Variants in MAP2K5 observed in about 807,000 individuals in gnomAD.
MAP2K5 encodes dual specificity mitogen-activated protein kinase kinase 5.
A neutral mutation model predicts 83.1 loss-of-function variants in MAP2K5; 49 were observed. The observed-to-expected ratio is 0.59, with a 90% CI of 0.47 to 0.75. The LOEUF (loss-of-function observed/expected upper bound fraction) is 0.75, where lower values mean the gene tolerates loss of function less well. Among genes scored for constraint, MAP2K5 ranks in the 30% least tolerant of loss-of-function variants. The probability of loss-of-function intolerance (pLI) is 0.00; values close to 1 mark genes in which losing one functional copy is unlikely to be tolerated. For missense variants in MAP2K5, 457 were observed against 557.5 expected (o/e 0.82, Z 1.82); for synonymous variants, 202 against 191.8 (o/e 1.05, Z -0.44).
Position 67,750,654 on chromosome 15 carries a change from G to T in MAP2K5, c.1134+2053G>T, listed in dbSNP as rs1182872870. 1.3e-5 allele frequency among the ~76,000 whole-genome samples: 2 copies of T among 152,162 alleles called. No homozygotes were observed. Among genetic ancestry groups the T allele is most frequent in the East Asian group, 3.8e-4 (2 of 5,202 alleles). ...CTACTAGTTTCTCGGGTAACTCTCT[G>T]CACATTATAAGTTTGAAAACCACTT... On this transcript the variant is annotated intron_variant, in intron 19 of 21. Coordinates refer to ENST00000178640, the MANE Select transcript of MAP2K5 (RefSeq NM_145160.3). This position sits in a 1 kb window ranked among gnomAD's most constrained non-coding sequence, Gnocchi z 4.2.
In MAP2K5 at chr15:67,806,776, AGG is replaced by A. The variant is rs750316492; in HGVS notation, c.*27_*28del. ...GGCTGCCGCAGGGCACTGAAAGCCCAGGACCAGTAACCAAGGAGAACAACCCA... is the reference window on the plus strand; with the variant it reads ...GGCTGCCGCAGGGCACTGAAAGCCCAACCAGTAACCAAGGAGAACAACCCA... On this transcript the variant is annotated 3_prime_UTR_variant, in exon 22 of 22. Transcript: ENST00000178640. 1 of 1,582,296 alleles carries A rather than the reference AGG, an allele frequency of 6.3e-7. No homozygotes were observed. Among genetic ancestry groups the A allele is most frequent in the Non-Finnish European group, 8.6e-7 (1 of 1,169,484 alleles).
intron 19 of MAP2K5, among the ~76,000 whole-genome samples, chr15:67,754,450 A>T (rs770395900): frequency 7.9e-5 from 12 of 152,208 alleles, no homozygotes; most frequent in Non-Finnish European, 1.6e-4. Flanking sequence ...AGGGACATTT[A>T]TTGAGCTCCT....
chr15:67,603,202 C>T (rs963296803), intron 8 of MAP2K5, among the ~76,000 whole-genome samples: 4 of 152,160 alleles, frequency 2.6e-5, no homozygotes, highest in African/African-American at 7.2e-5. Context: ...CTTGTGTAAT[C>T]GAAACTCTGC....
At chr15:67,580,628 A>G (rs2085159301) in intron 3 of MAP2K5, 126 bp from the exon 4 acceptor site, 4 of 667,234 alleles carry the variant, frequency 6.0e-6, no homozygotes, top group South Asian at 3.2e-5. Flanking sequence ...GTAGGGGAAA[A>G]GTATTCTCAA....
intron 8 of MAP2K5, among the ~76,000 whole-genome samples, chr15:67,620,094 A>G (rs1250802768): frequency 6.6e-6 from 1 of 152,172 alleles, no homozygotes; most frequent in African/African-American, 2.4e-5. Flanking sequence ...CTAGTAGGCC[A>G]TGTGCAGCGG....
At chr15:67,733,630 C>G (rs111312609) in intron 17 of MAP2K5, among the ~76,000 whole-genome samples, 16 of 152,296 alleles carry the variant, frequency 1.1e-4, no homozygotes, top group Non-Finnish European at 1.2e-4. Context: ...ATTCTGCCAG[C>G]TTTTGCCACC....
intron 17 of MAP2K5, among the ~76,000 whole-genome samples, chr15:67,733,790 A>G (rs75654503): frequency 0.11 from 16,447 of 152,242 alleles, 980 homozygotes; most frequent in Admixed American, 0.11. Context: ...ATAAGTGAAA[A>G]ATATGCATTC....
chr15:67,701,562 G>A (rs1369477304), intron 15 of MAP2K5, among the ~76,000 whole-genome samples: 3 of 152,216 alleles, frequency 2.0e-5, no homozygotes, highest in African/African-American at 7.2e-5. Context: ...AACAGGATCT[G>A]TGTGAGACAT....
chr15:67,675,246 C>T (rs1336759198), intron 13 of MAP2K5, among the ~76,000 whole-genome samples: 1 of 152,172 alleles, frequency 6.6e-6, no homozygotes, highest in Non-Finnish European at 1.5e-5. Flanking sequence ...GCATTCATAC[C>T]ATGGATTACT....
At chr15:67,621,722 A>G (rs1265349095) in intron 8 of MAP2K5, among the ~76,000 whole-genome samples, 1 of 152,230 alleles carries the variant, frequency 6.6e-6, no homozygotes, top group African/African-American at 2.4e-5. Context: ...ATAGACCTAG[A>G]GCAATCAAAT....
At chr15:67,593,102 T>C (rs1346499451) in intron 7 of MAP2K5, 128 bp downstream of exon 7, 14 of 640,814 alleles carry the variant, frequency 2.2e-5, no homozygotes, top group Non-Finnish European at 3.8e-5. Context: ...TAACATGGCT[T>C]AATTTGATTG....
intron 19 of MAP2K5, among the ~76,000 whole-genome samples, chr15:67,761,045 G>T (rs1463422118): frequency 6.6e-6 from 1 of 151,988 alleles, no homozygotes; most frequent in African/African-American, 2.4e-5. Context: ...CTGGGGTGTT[G>T]CCTCCATTCC....
chr15:67,704,091 G>GT (rs540102900), intron 16 of MAP2K5, among the ~76,000 whole-genome samples: 1 of 151,834 alleles, frequency 6.6e-6, no homozygotes, highest in African/African-American at 2.4e-5. Context: ...TCTATGCTAT[G>GT]TTTTTTTTAA....
Position 67,709,770 on chromosome 15 carries a change from T to C in MAP2K5, c.1044+6362T>C, listed in dbSNP as rs548438931. Among the ~76,000 whole-genome samples the C allele has an allele frequency of 7.9e-5, 12 of 152,320 alleles. No homozygotes were observed. The South Asian group carries it at 2.5e-3, about 32-fold the overall frequency. ...AAACAGTCATATCTGCAAAAGTGAA[T>C]TTTAAGTGGGTCCTTCTTGAGTCAA... is the stretch of plus-strand genomic sequence containing the variant. On this transcript the variant is annotated intron_variant, in intron 16 of 21. Coordinates refer to ENST00000178640, the MANE Select transcript of MAP2K5 (RefSeq NM_145160.3).
intron 19 of MAP2K5, among the ~76,000 whole-genome samples, chr15:67,753,968 G>T (rs140516002): frequency 6.6e-6 from 1 of 152,218 alleles, no homozygotes; most frequent in Non-Finnish European, 1.5e-5. Flanking sequence ...GTTCACATTG[G>T]ACTATAAATA....
At chr15:67,601,213 ACCCTACTC>A (rs1275269050) in intron 8 of MAP2K5, among the ~76,000 whole-genome samples, 2 of 151,804 alleles carry the variant, frequency 1.3e-5, no homozygotes, top group Non-Finnish European at 2.9e-5. Flanking sequence ...TTCTCTCCTC[ACCCTACTC>A]CCCTGAGATA....
intron 3 of MAP2K5, among the ~76,000 whole-genome samples, chr15:67,570,217 T>A (rs1344968050): frequency 6.6e-6 from 1 of 152,252 alleles, no homozygotes; most frequent in South Asian, 2.1e-4. Context: ...TAAAGTCCTT[T>A]ATGGTTTTAA....
Position 67,806,787 on chromosome 15 carries a change from C to G in MAP2K5, c.*37C>G. ...GGCACTGAAAGCCCAGGACCAGTAA[C>G]CAAGGAGAACAACCCACCCGTCGCC... On this transcript the variant is annotated 3_prime_UTR_variant, in exon 22 of 22. Transcript: ENST00000178640. 2 of 1,591,126 alleles carry G rather than the reference C, an allele frequency of 1.3e-6. No individual in the cohort carries two copies. Among genetic ancestry groups the G allele is most frequent in the Non-Finnish European group, 1.7e-6 (2 of 1,174,960 alleles).
chr15:67,657,452 G>A (rs941028405), intron 11 of MAP2K5, among the ~76,000 whole-genome samples: 1 of 151,966 alleles, frequency 6.6e-6, no homozygotes, highest in African/African-American at 2.4e-5. Context: ...AAAGATCAAT[G>A]AGAACATAAA....
Sources: gnomAD v4.1 joint callset for allele counts (sites outside exome capture counted in the v4.1 genomes callset) on GRCh38, gnomAD v4.1.1 for gene constraint, Gnocchi (gnomAD v3.1) non-coding constraint, MANE v1.5 for transcripts, NCBI Gene and HGNC (gene_info 2026-07-23, HGNC 2026-07-21) for gene names.